Variants in KATNB1 observed in about 807,000 individuals in gnomAD.
KATNB1 encodes katanin regulatory subunit B1, also known as katanin p80 WD40 repeat-containing subunit B1.
In KATNB1, 38 loss-of-function variants were observed where a neutral mutation model predicts 82.3. That is an observed-to-expected ratio of 0.46 (90% CI 0.36 to 0.61). KATNB1 has a LOEUF of 0.61. Ranked by LOEUF, KATNB1 falls within the 20% of genes least tolerant of loss-of-function variation. The probability of loss-of-function intolerance (pLI) is 0.00; values close to 1 mark genes in which losing one functional copy is unlikely to be tolerated. For missense variants in KATNB1, 749 were observed against 915.7 expected (o/e 0.82, Z 2.35); for synonymous variants, 361 against 368.7 (o/e 0.98, Z 0.24).
At chr16:57,756,782 A>G in intron 19 of KATNB1, 32 bp from the exon 20 acceptor site, 1 of 1,510,932 alleles carries the variant, frequency 6.6e-7, no homozygotes, top group South Asian at 1.3e-5. Context: ...TGGTGGTGCC[A>G]GCTAGCCCCT....
intron 18 of KATNB1, 127 bp downstream of exon 18, chr16:57,756,193 G>T: frequency 8.3e-7 from 1 of 1,209,904 alleles, no homozygotes; most frequent in Non-Finnish European, 1.2e-6. Flanking sequence ...AAGCATTGCT[G>T]CCCCTCAACA....
chr16:57,745,274 G>A (rs1555581097), intron 4 of KATNB1, among the ~76,000 whole-genome samples: 1 of 151,706 alleles, frequency 6.6e-6, no homozygotes, highest in Non-Finnish European at 1.5e-5. Flanking sequence ...AGCACTTTGG[G>A]AGGCCAAGGC....
chr16:57,738,601 G>A (rs192200518), intron 2 of KATNB1, among the ~76,000 whole-genome samples: 2 of 150,308 alleles, frequency 1.3e-5, no homozygotes, highest in East Asian at 3.9e-4. Context: ...AAGACTCTGG[G>A]CAAAGCTCTT....
chr16:57,746,817 T>C (rs906457750), intron 4 of KATNB1, among the ~76,000 whole-genome samples: 1 of 152,232 alleles, frequency 6.6e-6, no homozygotes, highest in African/African-American at 2.4e-5. Flanking sequence ...CATTCAACAT[T>C]TGTTTTAGAA....
chr16:57,756,969 T>A lies in KATNB1; in HGVS notation c.*23T>A. 1 of 1,493,270 alleles carries A rather than the reference T, an allele frequency of 6.7e-7. No homozygotes were observed. The highest frequency in any genetic ancestry group is 9.0e-7 in the Non-Finnish European group (1 of 1,115,520). 92.5% of individuals were successfully genotyped at this position (1,493,270 alleles called of 1,614,324 possible). A position where few individuals can be genotyped will look rare whatever the true frequency, so the allele number is the denominator to read the frequency against. ...TGAGGAAAGCAGTGGGCAGGGGCGC[T>A]CGGCAGCCCACAGGGCCTGGCCTCA... is the stretch of plus-strand genomic sequence containing the variant. On this transcript the variant is annotated 3_prime_UTR_variant, in exon 20 of 20. Transcript: ENST00000379661.
intron 4 of KATNB1, among the ~76,000 whole-genome samples, chr16:57,748,042 C>T (rs751441334): frequency 9.9e-5 from 15 of 152,140 alleles, no homozygotes; most frequent in Non-Finnish European, 1.5e-4. Flanking sequence ...AATAAGCTTC[C>T]AGGTGATTCC....
In KATNB1 at chr16:57,751,797, C is replaced by A; in HGVS notation, c.516+73C>A. The A allele has an allele frequency of 6.8e-7, 1 of 1,479,144 alleles. No homozygotes were observed. Among genetic ancestry groups the A allele is most frequent in the Non-Finnish European group, 9.4e-7 (1 of 1,067,338 alleles). The allele number at this position is 1,479,144 out of a possible 1,614,324, so 91.6% of individuals were successfully genotyped here. ...CTGATCACAGCAGGCTGAGTCCTCA[C>A]CTCCCTCCTGATCGGGCTCACATGT... On this transcript the variant is annotated intron_variant, in intron 7 of 19. Transcript: ENST00000379661. The surrounding 1 kb of genome is among the most constrained non-coding windows in gnomAD (Gnocchi z 6.3).
rs1202818877 is a variant in KATNB1, at chr16:57,751,431, T to G, written c.432+129T>G. ...TGGGTGATAACATAAAACATAGACC[T>G]GGAGCTGAGCAGGAGCGCCATGGGC... On this transcript the variant is annotated intron_variant, in intron 6 of 19. Coordinates refer to ENST00000379661, the MANE Select transcript of KATNB1 (RefSeq NM_005886.3). The surrounding 1 kb of genome is among the most constrained non-coding windows in gnomAD (Gnocchi z 6.3). 1.4e-5 allele frequency: 15 copies of G among 1,078,606 alleles called. No individual in the cohort carries two copies. In the South Asian group the frequency reaches 1.7e-4, roughly 12 times the overall value. The allele number at this position is 1,078,606 out of a possible 1,614,324, so 66.8% of individuals were successfully genotyped here.
At position 57,737,107 on chromosome 16, in the gene KATNB1, A is replaced by G; in HGVS notation, c.-137A>G. On this transcript the variant is annotated 5_prime_UTR_variant, in exon 2 of 20. Coordinates refer to ENST00000379661, the MANE Select transcript of KATNB1 (RefSeq NM_005886.3). ...CGAGGCACCCCAGGGCCAGAAGACG[A>G]GGCATTCTGTCTGCCTGGATGTGTG... 2 of 1,077,234 alleles carry G rather than the reference A, an allele frequency of 1.9e-6. No individual in the cohort carries two copies. The highest frequency in any genetic ancestry group is 2.8e-6 in the Non-Finnish European group (2 of 720,880). 66.7% of individuals were successfully genotyped at this position (1,077,234 alleles called of 1,614,324 possible).
At chr16:57,756,207 C>A in intron 18 of KATNB1, 141 bp downstream of exon 18, 2 of 1,164,622 alleles carry the variant, frequency 1.7e-6, no homozygotes, top group Non-Finnish European at 2.5e-6. Context: ...CTCAACAGTC[C>A]GGAGGTGGGA....
chr16:57,748,232 G>A (rs550756775), intron 4 of KATNB1, among the ~76,000 whole-genome samples: 2 of 152,126 alleles, frequency 1.3e-5, no homozygotes, highest in Non-Finnish European at 2.9e-5. Flanking sequence ...AGCACAGCAG[G>A]TAGAGCTAAG....
Position 57,737,049 on chromosome 16 carries a change from G to A in KATNB1, c.-195G>A, listed in dbSNP as rs923508087. 23 of 709,548 alleles carry A rather than the reference G, an allele frequency of 3.2e-5. No homozygotes were observed. In the Middle Eastern group the frequency reaches 6.8e-4, roughly 21 times the overall value. The allele number at this position is 709,548 out of a possible 1,614,324, so 44.0% of individuals were successfully genotyped here. A position where few individuals can be genotyped will look rare whatever the true frequency, so the allele number is the denominator to read the frequency against. ...GGATCGTGACAGATGTGCACAGGCT[G>A]CTGCTGTTGCTGCTGTGGGTAATTT... is the stretch of plus-strand genomic sequence containing the variant. On this transcript the variant is annotated 5_prime_UTR_variant, in exon 2 of 20. Transcript: ENST00000379661.
chr16:57,752,550 T>C lies in KATNB1; in HGVS notation c.653T>C (p.Leu218Pro). Reference sequence around the variant, plus strand: ...TGCAGGACAATCCGCTTCTGGGACCTGGAGAAGTTCCAGGTGGTGAGCTGC... The same window carrying C: ...TGCAGGACAATCCGCTTCTGGGACCCGGAGAAGTTCCAGGTGGTGAGCTGC... ...SSDRTIRFWD[L>P]EKFQVVSCIE... Residue 218 changes from leucine to proline, a missense_variant, in exon 9 of 20, where the codon CTG becomes CCG. Around this residue, in one of 3 missense-constraint regions of KATNB1, gnomAD observed 247 missense variants for 349.4 expected, o/e 0.71. Coordinates refer to ENST00000379661, the MANE Select transcript of KATNB1 (RefSeq NM_005886.3). 1 of 1,568,498 alleles carries C rather than the reference T, an allele frequency of 6.4e-7. No individual in the cohort carries two copies. Among genetic ancestry groups the C allele is most frequent in the Non-Finnish European group, 8.6e-7 (1 of 1,156,502 alleles).
At chr16:57,756,318 C>T (rs1555586369) in intron 18 of KATNB1, 38 bp from the exon 19 acceptor site, 2 of 1,559,300 alleles carry the variant, frequency 1.3e-6, no homozygotes, top group South Asian at 2.2e-5. Context: ...GTCTGTGGCC[C>T]TTGGTCCATC....
At chr16:57,741,650 C>A (rs1555579493) in intron 2 of KATNB1, 37 bp from the exon 3 acceptor site, 1 of 1,590,094 alleles carries the variant, frequency 6.3e-7, no homozygotes, top group South Asian at 1.1e-5. Flanking sequence ...CCCCATCGGG[C>A]CGCCCTGATG....
rs782456689 is a variant in KATNB1, at chr16:57,755,835, G to C, written c.1567-6G>C. The C allele has an allele frequency of 1.3e-6, 2 of 1,580,960 alleles. No homozygotes were observed. The highest frequency in any genetic ancestry group is 1.7e-6 in the Non-Finnish European group (2 of 1,156,358). On this transcript the variant is annotated splice_region_variant and splice_polypyrimidine_tract_variant and intron_variant, in intron 16 of 19. Transcript: ENST00000379661. ...CCCCACCCCTGACGGTGCTCTGTTTGCACAGACGTCGGTGGACTCCGCTGT... is the reference window on the plus strand; with the variant it reads ...CCCCACCCCTGACGGTGCTCTGTTTCCACAGACGTCGGTGGACTCCGCTGT...
In KATNB1 at chr16:57,751,913, C is replaced by T; in HGVS notation, c.517-27C>T. 1 of 1,578,950 alleles carries T rather than the reference C, an allele frequency of 6.3e-7. No individual in the cohort carries two copies. Among genetic ancestry groups the T allele is most frequent in the Non-Finnish European group, 8.7e-7 (1 of 1,149,696 alleles). On this transcript the variant is annotated intron_variant, in intron 7 of 19. Coordinates refer to ENST00000379661, the MANE Select transcript of KATNB1 (RefSeq NM_005886.3). The surrounding 1 kb of genome is among the most constrained non-coding windows in gnomAD (Gnocchi z 6.3). ...TGGGCAGCCAAGATGCCTGGTCACC[C>T]TGACCTCCTCCCTGCCCTGCCTCCA...
Position 57,755,182 on chromosome 16 carries a change from A to G in KATNB1, c.1360A>G (p.Ile454Val), listed in dbSNP as rs2049265820. Reference protein sequence around the residue: ...STPAPKAEPAIIPATRNEPIG... With the variant: ...STPAPKAEPAVIPATRNEPIG... ...ACCTGCACCCAAGGCTGAGCCTGCC[A>G]TCATCCCTGCCACCCGGAACGAGCC... Residue 454 changes from isoleucine (I) to valine (V), a missense_variant, in exon 15 of 20, where the codon ATC (isoleucine) becomes GTC (valine). By Grantham distance (29) the Ile-to-Val change is conservative (BLOSUM62 3). Transcript: ENST00000379661. The G allele has an allele frequency of 8.7e-6, 14 of 1,612,372 alleles. No homozygotes were observed. The highest frequency in any genetic ancestry group is 1.2e-5 in the Non-Finnish European group (14 of 1,179,958).
rs2965797 is a variant in KATNB1, at chr16:57,752,605, C to T, written c.704+4C>T. ...AAGGGGAGCCTGGGCCCGTCAGGTACGCAGGCTGTGGGGTGGGCGGCCCAG... is the reference window on the plus strand; with the variant it reads ...AAGGGGAGCCTGGGCCCGTCAGGTATGCAGGCTGTGGGGTGGGCGGCCCAG... On this transcript the variant is annotated splice_donor_region_variant and intron_variant, in intron 9 of 19. Coordinates refer to ENST00000379661, the MANE Select transcript of KATNB1 (RefSeq NM_005886.3). 1,015,653 of 1,560,938 alleles carry T rather than the reference C, an allele frequency of 0.65. 344,438 individuals are homozygous for T. Among genetic ancestry groups the T allele is most frequent in the Non-Finnish European group, 0.7 (808,337 of 1,152,370 alleles).
Sources: allele counts gnomAD v4.1 joint callset (sites outside exome capture counted in the v4.1 genomes callset), GRCh38; gene constraint gnomAD v4.1.1; regional missense constraint gnomAD v4.1.1; non-coding constraint Gnocchi (gnomAD v3.1); transcripts MANE v1.5; gene names NCBI Gene and HGNC (gene_info 2026-07-23, HGNC 2026-07-21).